CYSLTR2: variants seen among roughly 807,000 people sequenced by gnomAD.
The protein encoded by CYSLTR2 is G-protein coupled receptor GPCR21.
For missense variants in CYSLTR2, 398 were observed against 411.9 expected, an observed-to-expected ratio of 0.97 and a Z score of 0.29; for synonymous variants, 179 against 160.8, an observed-to-expected ratio of 1.11 and a Z score of -0.86.
chr13:48,702,654 G>T (rs1954381290), intron 4 of CYSLTR2, among the ~76,000 whole-genome samples: 2 of 151,994 alleles, frequency 1.3e-5, no homozygotes, highest in South Asian at 4.1e-4. Flanking sequence ...TGATCTATCT[G>T]TTTGTCCTTC....
chr13:48,706,575 G>A (rs889665988), intron 4 of CYSLTR2: 23 of 425,190 alleles, frequency 5.4e-5, no homozygotes, highest in South Asian at 9.7e-5. Context: ...AGTTTGAAGC[G>A]TCAGCTTCAA....
rs185585089 is a variant in CYSLTR2 at position 48,699,733 on chromosome 13, G to A, written c.-2+3107G>A. ...AAAAAAATCAATGAATCCAGGAGCT[G>A]GCTTTTTGAAAAGATCAACAAAATT... On this transcript the variant is annotated intron_variant, in intron 4 of 4. Transcript: ENST00000682523. Among the ~76,000 whole-genome samples the A allele has an allele frequency of 4.4e-3, 670 of 152,208 alleles. 3 individuals are homozygous for A. The highest frequency in any genetic ancestry group is 0.014 in the Middle Eastern group (4 of 294).
rs1241779173 is a variant in CYSLTR2 at position 48,654,270 on chromosome 13, T to A, written c.-266+253T>A. 2.9e-5 allele frequency among the ~76,000 whole-genome samples: 3 copies of A among 102,224 alleles called. No homozygotes were observed. The East Asian group carries it at 8.2e-4, about 28-fold the overall frequency. 67.1% of individuals were successfully genotyped at this position (102,224 alleles called of 152,430 possible). A position where few individuals can be genotyped will look rare whatever the true frequency, so the allele number is the denominator to read the frequency against. On this transcript the variant is annotated intron_variant, in intron 1 of 4. Coordinates refer to ENST00000682523, the MANE Select transcript of CYSLTR2 (RefSeq NM_001308476.3). Reference sequence around the variant, plus strand: ...GTCCCTTTGTGTGTGTGTGTGTGTGTGTGTGTGTGTGTGTGTGTGTGTGTG... The same window carrying A: ...GTCCCTTTGTGTGTGTGTGTGTGTGAGTGTGTGTGTGTGTGTGTGTGTGTG...
chr13:48,707,009 G>A lies in CYSLTR2; in HGVS notation c.192G>A (p.Leu64=). 6.2e-7 allele frequency: 1 copy of A among 1,614,126 alleles called. No individual in the cohort carries two copies. The highest frequency in any genetic ancestry group is 8.5e-7 in the Non-Finnish European group (1 of 1,180,028). ...LGNGLSIYVF[L]QPYKKSTSVN... ...ATGGGTTGTCCATATATGTTTTCCT[G>A]CAGCCTTATAAGAAGTCCACATCTG... The change falls in exon 5 of 5, where the codon CTG becomes CTA. Residue 64 remains leucine, a synonymous_variant. Transcript: ENST00000682523.
intron 1 of CYSLTR2, among the ~76,000 whole-genome samples, chr13:48,688,756 C>T (rs1370477633): frequency 6.6e-6 from 1 of 152,110 alleles, no homozygotes; most frequent in African/African-American, 2.4e-5. Context: ...GACTTATAAT[C>T]CTTTGGGTGT....
At chr13:48,657,124 A>C (rs903036711) in intron 1 of CYSLTR2, among the ~76,000 whole-genome samples, 1 of 152,264 alleles carries the variant, frequency 6.6e-6, no homozygotes, top group African/African-American at 2.4e-5. Context: ...CAATGAATGC[A>C]GACTTTATTA....
intron 3 of CYSLTR2, among the ~76,000 whole-genome samples, chr13:48,695,773 G>T (rs965731207): frequency 6.6e-6 from 1 of 152,220 alleles, no homozygotes; most frequent in Admixed American, 6.5e-5. Flanking sequence ...TTGCTGAGCA[G>T]AATTCCATGG....
rs560961886 is a variant in CYSLTR2 at position 48,707,713 on chromosome 13, G to T, written c.896G>T (p.Cys299Phe). ...ITLALAAANA[C>F]FNPLLYYFAG... Reference sequence around the variant, plus strand: ...CTGGCCTTGGCAGCAGCCAATGCCTGCTTCAATCCTCTGCTCTATTACTTT... The same window carrying T: ...CTGGCCTTGGCAGCAGCCAATGCCTTCTTCAATCCTCTGCTCTATTACTTT... Residue 299 changes from cysteine (C) to phenylalanine (F), a missense_variant, in exon 5 of 5, where the codon TGC becomes TTC. By Grantham distance (205) the Cys-to-Phe change is radical (BLOSUM62 -2). Coordinates refer to ENST00000682523, the MANE Select transcript of CYSLTR2 (RefSeq NM_001308476.3). 320 of 1,613,256 alleles carry T rather than the reference G, an allele frequency of 2.0e-4. No individual in the cohort carries two copies. The South Asian group carries it at 3.3e-3, about 17-fold the overall frequency.
intron 1 of CYSLTR2, among the ~76,000 whole-genome samples, chr13:48,657,614 T>C (rs902926852): frequency 6.6e-6 from 1 of 151,888 alleles, no homozygotes; most frequent in Non-Finnish European, 1.5e-5. Flanking sequence ...ATTAAAATAA[T>C]TTAGTCCACC....
intron 1 of CYSLTR2, among the ~76,000 whole-genome samples, chr13:48,662,160 A>G (rs1202186267): frequency 6.6e-6 from 1 of 152,198 alleles, no homozygotes; most frequent in African/African-American, 2.4e-5. Context: ...CTCCATTTCC[A>G]CCCTTGTTGC....
intron 1 of CYSLTR2, among the ~76,000 whole-genome samples, chr13:48,686,660 G>A (rs1953900489): frequency 6.6e-6 from 1 of 152,190 alleles, no homozygotes; most frequent in Non-Finnish European, 1.5e-5. Flanking sequence ...GCAGCAAGAA[G>A]TGGTTAGCAC....
chr13:48,673,156 T>C (rs953422204), intron 1 of CYSLTR2, among the ~76,000 whole-genome samples: 3 of 152,176 alleles, frequency 2.0e-5, no homozygotes, highest in African/African-American at 7.2e-5. Context: ...GTCCTGAATA[T>C]CCTTGTTAAT....
At chr13:48,660,076 T>C (rs926774716) in intron 1 of CYSLTR2, among the ~76,000 whole-genome samples, 3 of 152,162 alleles carry the variant, frequency 2.0e-5, no homozygotes, top group African/African-American at 7.2e-5. Flanking sequence ...GTTTGTTTAT[T>C]TGGTGGCTGA....
At chr13:48,677,403 G>C (rs542285729) in intron 1 of CYSLTR2, among the ~76,000 whole-genome samples, 1 of 152,206 alleles carries the variant, frequency 6.6e-6, no homozygotes, top group East Asian at 1.9e-4. Context: ...AGAAGAAATG[G>C]TACAGAATTT....
chr13:48,706,532 T>A (rs562920186), intron 4 of CYSLTR2: 21 of 335,784 alleles, frequency 6.3e-5, no homozygotes, highest in Non-Finnish European at 1.1e-4. Flanking sequence ...AAGGTATTCA[T>A]GTCAACAGGG....
chr13:48,667,550 C>A (rs1253994820), intron 1 of CYSLTR2, among the ~76,000 whole-genome samples: 2 of 152,248 alleles, frequency 1.3e-5, no homozygotes, highest in Non-Finnish European at 2.9e-5. Context: ...ACATGCCTTC[C>A]AGGGGTGCCC....
chr13:48,693,107 ATT>A (rs1954078374), intron 2 of CYSLTR2, among the ~76,000 whole-genome samples: 1 of 151,652 alleles, frequency 6.6e-6, no homozygotes, highest in African/African-American at 2.4e-5. Flanking sequence ...GTTTAATACA[ATT>A]TTATATATAT....
intron 1 of CYSLTR2, among the ~76,000 whole-genome samples, chr13:48,677,636 A>G (rs1953634318): frequency 6.6e-6 from 1 of 152,190 alleles, no homozygotes; most frequent in Non-Finnish European, 1.5e-5. Flanking sequence ...ATGCACTGAG[A>G]GTAAGAGTCA....
At chr13:48,705,925 A>T (rs1954469620) in intron 4 of CYSLTR2, among the ~76,000 whole-genome samples, 1 of 149,832 alleles carries the variant, frequency 6.7e-6, no homozygotes, top group Non-Finnish European at 1.5e-5. Flanking sequence ...TCCTTCTTTT[A>T]TAAATTCCTT....
Sources: allele counts gnomAD v4.1 joint callset (sites outside exome capture counted in the v4.1 genomes callset), GRCh38; gene constraint gnomAD v4.1.1; transcripts MANE v1.5; gene names NCBI Gene and HGNC (gene_info 2026-07-23, HGNC 2026-07-21).